The following FAM184A variants were observed in gnomAD, a reference collection of about 807,000 sequenced individuals.
The protein encoded by FAM184A is family with sequence similarity 184 member A.
FAM184A carries 99 observed loss-of-function variants against 143.8 expected under a neutral mutation model. The ratio of observed to expected loss-of-function variants is 0.69; its 90% CI spans 0.58 to 0.81. The LOEUF is 0.81. FAM184A is among the 40% of genes least tolerant of loss of function. The pLI, the probability that FAM184A is intolerant of heterozygous loss-of-function variation, is 0.00. For missense variants in FAM184A, 1,217 were observed against 1,310.5 expected (o/e 0.93, Z 1.10); for synonymous variants, 427 against 446.4 (o/e 0.96, Z 0.55).
chr6:118,984,185 A>ATATATT (rs1480201652), intron 9 of FAM184A, among the ~76,000 whole-genome samples: 2 of 142,734 alleles, frequency 1.4e-5, no homozygotes, highest in African/African-American at 5.2e-5. Flanking sequence ...ATATTTATAT[A>ATATATT]TATATTTATA....
intron 1 of FAM184A, chr6:119,057,845 T>G (rs1428894802): frequency 5.7e-4 from 2 of 3,488 alleles, no homozygotes; most frequent in South Asian, 0.018. Context: ...TCTTCTGTGT[T>G]TTTTTTTTTT....
chr6:119,006,420 T>G (rs1412405221), intron 7 of FAM184A, 27 bp downstream of exon 7: 9 of 1,601,846 alleles, frequency 5.6e-6, no homozygotes, highest in Non-Finnish European at 7.7e-6. Context: ...TGCCGCTGTT[T>G]AGATTGCAGT....
rs779916036 is a variant in FAM184A at position 119,002,957 on chromosome 6, C to T, written c.2030G>A (p.Arg677Gln). 1.1e-5 allele frequency: 18 copies of T among 1,612,442 alleles called. No individual in the cohort carries two copies. The highest frequency in any genetic ancestry group is 7.7e-5 in the South Asian group (7 of 90,906). ...AMSQLLQLKDREKNAARDSWQ... is the reference protein window; with the variant it reads ...AMSQLLQLKDQEKNAARDSWQ... ...TGAATCTCTTGCTGCATTTTTCTCT[C>T]GATCTTTCAACTGCAAAAGTTGAGA... The change falls in exon 9 of 18, where the codon CGA (arginine) becomes CAA (glutamine). Residue 677 changes from arginine (R) to glutamine (Q), a missense_variant. Coordinates refer to ENST00000338891, the MANE Select transcript of FAM184A (RefSeq NM_024581.6).
intron 9 of FAM184A, among the ~76,000 whole-genome samples, chr6:118,986,674 G>T (rs1784206677): frequency 6.6e-6 from 1 of 152,160 alleles, no homozygotes; most frequent in African/African-American, 2.4e-5. Context: ...CAATAAGGTG[G>T]TTTTTGTTTA....
chr6:119,020,244 C>T (rs1487033164), intron 3 of FAM184A, 85 bp from the exon 4 acceptor site: 2 of 1,048,670 alleles, frequency 1.9e-6, no homozygotes, highest in African/African-American at 3.3e-5. Flanking sequence ...CACAACTGTA[C>T]TTTATACTTA....
chr6:118,965,205 G>GTTTTT (rs5879475), intron 15 of FAM184A, among the ~76,000 whole-genome samples: 9 of 131,008 alleles, frequency 6.9e-5, no homozygotes, highest in South Asian at 2.3e-4. Flanking sequence ...TTTTTTGTTT[G>GTTTTT]TTTTTTTTTT....
chr6:118,976,147 C>T, intron 11 of FAM184A, 103 bp from the exon 12 acceptor site: 1 of 1,032,604 alleles, frequency 9.7e-7, no homozygotes, highest in Non-Finnish European at 1.4e-6. Context: ...AATTAGAACA[C>T]TTGTGTATGT....
At chr6:119,093,209 ACAGT>A (rs1434449074) in intron 1 of FAM184A, among the ~76,000 whole-genome samples, 1 of 152,174 alleles carries the variant, frequency 6.6e-6, no homozygotes, top group Non-Finnish European at 1.5e-5. Flanking sequence ...ACAGTAGGAA[ACAGT>A]CAGGCGATTG....
chr6:119,023,083 A>G lies in FAM184A; in HGVS notation c.1015-3T>C. 1 of 1,613,910 alleles carries G rather than the reference A, an allele frequency of 6.2e-7. No individual in the cohort carries two copies. Among genetic ancestry groups the G allele is most frequent in the Non-Finnish European group, 8.5e-7 (1 of 1,179,886 alleles). On this transcript the variant is annotated splice_region_variant and splice_polypyrimidine_tract_variant and intron_variant, in intron 2 of 17. Transcript: ENST00000338891. ...TCATCAAGCTGTTTTTGAAGAACCT[A>G]AGAAAGATTAAATAGCCATTGTTAA...
At chr6:119,047,129 T>G (rs55701109) in intron 1 of FAM184A, among the ~76,000 whole-genome samples, 6,486 of 152,264 alleles carry the variant, frequency 0.043, 243 homozygotes, top group East Asian at 0.2. Flanking sequence ...TATAAAAAAG[T>G]GCTCAACATT....
chr6:119,024,806 T>C lies in FAM184A; in HGVS notation c.167A>G (p.Tyr56Cys), dbSNP rs1785572607. 1.9e-6 allele frequency: 3 copies of C among 1,592,248 alleles called. No individual in the cohort carries two copies. Among genetic ancestry groups the C allele is most frequent in the Non-Finnish European group, 2.6e-6 (3 of 1,171,920 alleles). ...CTCATCATTTTTAGTGTTTAAAGCA[T>C]ATATTACCTGCATGGTTTTGAATAA... ...KKIAQLTKVI[Y>C]ALNTKNDEHE... Residue 56 changes from tyrosine (Y) to cysteine (C), a missense_variant, in exon 2 of 18, where the codon TAT (tyrosine) becomes TGT (cysteine). Physicochemically the swap from Tyr to Cys is radical, Grantham distance 194. Coordinates refer to ENST00000338891, the MANE Select transcript of FAM184A (RefSeq NM_024581.6).
At chr6:118,983,691 G>GC (rs1477357585) in intron 9 of FAM184A, among the ~76,000 whole-genome samples, 1 of 151,996 alleles carries the variant, frequency 6.6e-6, no homozygotes, top group East Asian at 1.9e-4. Flanking sequence ...GTTGATAGGT[G>GC]CCAGACATTT....
chr6:119,071,954 T>C (rs1264598347), intron 1 of FAM184A, among the ~76,000 whole-genome samples: 2 of 143,318 alleles, frequency 1.4e-5, no homozygotes, highest in Non-Finnish European at 3.0e-5. Context: ...CTCCGCCTCC[T>C]GGGTTCAAGC....
chr6:118,979,237 C>A (rs1783944453), intron 11 of FAM184A, 128 bp downstream of exon 11: 3 of 816,778 alleles, frequency 3.7e-6, no homozygotes, highest in Middle Eastern at 2.9e-4. Context: ...ATAAAATATG[C>A]AGTACACTTA....
Position 119,078,552 on chromosome 6 carries a change from C to T in FAM184A, c.-253G>A, listed in dbSNP as rs2114802558. 1 of 298,926 alleles carries T rather than the reference C, an allele frequency of 3.3e-6. No homozygotes were observed. Among genetic ancestry groups the T allele is most frequent in the Non-Finnish European group, 6.1e-6 (1 of 163,154 alleles). 18.5% of individuals were successfully genotyped at this position (298,926 alleles called of 1,614,324 possible). A position where few individuals can be genotyped will look rare whatever the true frequency, so the allele number is the denominator to read the frequency against. On this transcript the variant is annotated 5_prime_UTR_variant, in exon 1 of 18. Transcript: ENST00000338891. The surrounding 1 kb of genome is among the most constrained non-coding windows in gnomAD (Gnocchi z 5.5). ...ATGCCCGGGGTTGGGCGGCGGCGGC[C>T]GGGGGCCGGGCCAGCTCTTGGAGGC...
At chr6:119,001,357 C>A (rs1784751383) in intron 9 of FAM184A, among the ~76,000 whole-genome samples, 1 of 151,726 alleles carries the variant, frequency 6.6e-6, no homozygotes, top group Non-Finnish European at 1.5e-5. Flanking sequence ...TGGAGCATCA[C>A]AGAATAGTTT....
At chr6:118,979,299 G>T in intron 11 of FAM184A, 66 bp downstream of exon 11, 2 of 1,439,110 alleles carry the variant, frequency 1.4e-6, no homozygotes, top group Non-Finnish European at 9.4e-7. Context: ...GTGATTTTAT[G>T]TTGAATTTAA....
intron 14 of FAM184A, among the ~76,000 whole-genome samples, chr6:118,969,557 A>G (rs1014337548): frequency 6.6e-6 from 1 of 152,228 alleles, no homozygotes; most frequent in Admixed American, 6.5e-5. Context: ...AGCCAAGACT[A>G]GTCAATATTT....
intron 1 of FAM184A, among the ~76,000 whole-genome samples, chr6:119,104,213 G>T (rs1362581679): frequency 6.6e-6 from 1 of 151,992 alleles, no homozygotes; most frequent in African/African-American, 2.4e-5. Flanking sequence ...TGCCATGTTG[G>T]CCAGGCTGGC....
Sources: gnomAD v4.1 joint callset for allele counts (sites outside exome capture counted in the v4.1 genomes callset) on GRCh38, gnomAD v4.1.1 for gene constraint, Gnocchi (gnomAD v3.1) non-coding constraint, MANE v1.5 for transcripts, NCBI Gene and HGNC (gene_info 2026-07-23, HGNC 2026-07-21) for gene names.